HNRNPU: variants seen among roughly 807,000 people sequenced by gnomAD.
The protein encoded by HNRNPU is heterogeneous nuclear ribonucleoprotein U, also known as HNRNPU antisense RNA 1.
HNRNPU carries 5 observed loss-of-function variants against 94.7 expected under a neutral mutation model. The observed-to-expected ratio is 0.05, with a 90% CI of 0.03 to 0.11. The LOEUF is 0.11. Ranked by LOEUF, HNRNPU falls within the 10% of genes least tolerant of loss-of-function variation. The pLI, the probability that HNRNPU is intolerant of heterozygous loss-of-function variation, is 1.00. For synonymous variants in HNRNPU, 434 were observed against 381.6 expected (o/e 1.14, Z -1.60); for missense variants, 710 against 1,049.2 (o/e 0.68, Z 4.47).
Position 244,862,710 on chromosome 1 carries a change from T to C in HNRNPU, c.712A>G (p.Lys238Glu). ...ACACCCCTCTTTTTATCTCCGCCTT[T>C]CTGTTCTGTTTTGCCGTCCCCTAAA... ...PAAGDGKTEQ[K>E]GGDKKRGVKR... The change falls in exon 2 of 14, where the codon AAA becomes GAA. Residue 238 changes from lysine (K) to glutamate (E), a missense_variant. Lys to Glu is a moderately conservative substitution (Grantham distance 56). Coordinates refer to ENST00000640218, the MANE Select transcript of HNRNPU (RefSeq NM_031844.3). 6.2e-7 allele frequency: 1 copy of C among 1,614,102 alleles called. No individual in the cohort carries two copies.
At position 244,852,317 on chromosome 1, in the gene HNRNPU, C is replaced by T. The variant is rs1400089841; in HGVS notation, c.*2133G>A. On this transcript the variant is annotated 3_prime_UTR_variant, in exon 14 of 14. Coordinates refer to ENST00000640218, the MANE Select transcript of HNRNPU (RefSeq NM_031844.3). ...CATTTTTATCTATTCTCTCTCCCCC[C>T]AAATTCTCTGGGCTAAACAGGCATG... 1 of 152,180 alleles carries T rather than the reference C, an allele frequency of 6.6e-6. No homozygotes were observed. Among genetic ancestry groups the T allele is most frequent in the African/African-American group, 2.4e-5 (1 of 41,430 alleles). The allele number at this position is 152,180 out of a possible 1,614,324, so 9.4% of individuals were successfully genotyped here.
chr1:244,855,872 A>C, intron 11 of HNRNPU, 32 bp downstream of exon 11: 1 of 1,606,904 alleles, frequency 6.2e-7, no homozygotes, highest in Non-Finnish European at 8.5e-7. Context: ...TTCGATCCTG[A>C]ACTAAATACA....
rs779688417 is a variant in HNRNPU, at chr1:244,859,268, G to A, written c.1117+7C>T. 2.7e-6 allele frequency: 4 copies of A among 1,464,554 alleles called. No homozygotes were observed. Among genetic ancestry groups the A allele is most frequent in the Middle Eastern group, 3.5e-4 (2 of 5,732 alleles). 90.7% of individuals were successfully genotyped at this position (1,464,554 alleles called of 1,614,324 possible). Reference sequence around the variant, plus strand: ...ATGAGCCCACATCAGTCAAAAAGAAGCTTTACCAAGTAACATTCCACTTGT... The same window carrying A: ...ATGAGCCCACATCAGTCAAAAAGAAACTTTACCAAGTAACATTCCACTTGT... On this transcript the variant is annotated splice_region_variant and intron_variant, in intron 5 of 13. Coordinates refer to ENST00000640218, the MANE Select transcript of HNRNPU (RefSeq NM_031844.3).
In HNRNPU at chr1:244,857,572, G is replaced by C. The variant is rs774337619; in HGVS notation, c.1614+26C>G. The stretch of plus-strand genomic sequence containing the variant: ...TCTCCCAGTCTATTTTAAACACTGA[G>C]ATCAGGCCCTAAACATTTTACTTAC... On this transcript the variant is annotated intron_variant, in intron 8 of 13. Coordinates refer to ENST00000640218, the MANE Select transcript of HNRNPU (RefSeq NM_031844.3). 4 of 1,608,050 alleles carry C rather than the reference G, an allele frequency of 2.5e-6. 1 individual carries two copies. Among genetic ancestry groups the C allele is most frequent in the South Asian group, 1.1e-5 (1 of 90,526 alleles).
At chr1:244,856,687 A>G (rs1486780655) in intron 9 of HNRNPU, 41 bp downstream of exon 9, 1 of 1,605,962 alleles carries the variant, frequency 6.2e-7, no homozygotes, top group South Asian at 1.1e-5. Flanking sequence ...ATCTATCTAA[A>G]TTATCAGTTA....
Position 244,856,151 on chromosome 1 carries a change from A to C in HNRNPU, c.1920T>G (p.Phe640Leu). ...EHAVLKMKGNFTLPEVAECFD... is the reference protein window; with the variant it reads ...EHAVLKMKGNLTLPEVAECFD... Reference sequence around the variant, plus strand: ...AGCACTCAGCTACCTCTGGGAGGGTAAAGTTTCCTGCAGGAAACAAAGTCA... The same window carrying C: ...AGCACTCAGCTACCTCTGGGAGGGTCAAGTTTCCTGCAGGAAACAAAGTCA... Residue 640 changes from phenylalanine (F) to leucine (L), a missense_variant, in exon 11 of 14, where the codon TTT (phenylalanine) becomes TTG (leucine). This residue lies in a region of HNRNPU where 152 missense variants were observed against 238.9 expected (regional missense o/e 0.64). Coordinates refer to ENST00000640218, the MANE Select transcript of HNRNPU (RefSeq NM_031844.3). 1 of 1,605,520 alleles carries C rather than the reference A, an allele frequency of 6.2e-7. No homozygotes were observed. Among genetic ancestry groups the C allele is most frequent in the Non-Finnish European group, 8.5e-7 (1 of 1,177,432 alleles).
At chr1:244,863,297 G>A (rs1680897225) in intron 1 of HNRNPU, among the ~76,000 whole-genome samples, 1 of 148,876 alleles carries the variant, frequency 6.7e-6, no homozygotes, top group Admixed American at 6.7e-5. Flanking sequence ...GGGCCGACCG[G>A]GCTCCCTCCC....
rs1347499063 is a variant in HNRNPU, at chr1:244,863,971, C to T, written c.337G>A (p.Ala113Thr). 1 of 1,613,750 alleles carries T rather than the reference C, an allele frequency of 6.2e-7. No homozygotes were observed. The highest frequency in any genetic ancestry group is 1.1e-5 in the South Asian group (1 of 91,070). The part of the protein sequence containing the change: ...QMELGEENGA[A>T]GAADSGPMEE... ...ATCGGGCCCGAGTCGGCCGCCCCCG[C>T]GGCCCCGTTCTCCTCTCCTAGCTCC... Residue 113 changes from alanine to threonine, a missense_variant, in exon 1 of 14, where the codon GCG becomes ACG. Physicochemically the swap from Ala to Thr is moderately conservative, Grantham distance 58. Around this residue, in one of 8 missense-constraint regions of HNRNPU, gnomAD observed 292 missense variants for 293.4 expected, o/e 1.00. Transcript: ENST00000640218.
intron 4 of HNRNPU, 156 bp downstream of exon 4, chr1:244,860,179 A>C (rs1680788776): frequency 1.7e-6 from 1 of 589,050 alleles, no homozygotes. Context: ...GTGTGCCTCT[A>C]GTCCGAGCTA....
At chr1:244,858,938 C>T (rs911031187) in intron 5 of HNRNPU, 97 bp from the exon 6 acceptor site, 2 of 648,964 alleles carry the variant, frequency 3.1e-6, no homozygotes, top group African/African-American at 3.7e-5. Context: ...GAGAAATAAG[C>T]ATATAACCTA....
At chr1:244,856,931 A>T in intron 8 of HNRNPU, 75 bp from the exon 9 acceptor site, 1 of 1,205,356 alleles carries the variant, frequency 8.3e-7, no homozygotes, top group East Asian at 2.3e-5. Flanking sequence ...TTCAACTCAT[A>T]TCTATATGTA....
chr1:244,856,130 C>T lies in HNRNPU; in HGVS notation c.1941G>A (p.Glu647=). 6.2e-7 allele frequency: 1 copy of T among 1,613,104 alleles called. No homozygotes were observed. The highest frequency in any genetic ancestry group is 8.5e-7 in the Non-Finnish European group (1 of 1,179,660). ...KGNFTLPEVA[E]CFDEITYVEL... ...CAACATAGGTTATTTCATCAAAGCA[C>T]TCAGCTACCTCTGGGAGGGTAAAGT... Residue 647 remains glutamate, a synonymous_variant, in exon 11 of 14, where the codon GAG becomes GAA. Coordinates refer to ENST00000640218, the MANE Select transcript of HNRNPU (RefSeq NM_031844.3).
chr1:244,864,093 G>C lies in HNRNPU; in HGVS notation c.215C>G (p.Ala72Gly). The C allele has an allele frequency of 6.3e-7, 1 of 1,596,256 alleles. No individual in the cohort carries two copies. The highest frequency in any genetic ancestry group is 8.5e-7 in the Non-Finnish European group (1 of 1,171,720). The change falls in exon 1 of 14, where the codon GCA becomes GGA. Residue 72 changes from alanine (A) to glycine (G), a missense_variant. By Grantham distance (60) the Ala-to-Gly change is moderately conservative. Transcript: ENST00000640218. The stretch of plus-strand genomic sequence containing the variant: ...GGCCGCGGCCTCCTGCTCGAGGCCT[G>C]CTCCCGAGCGCCCAGCGGAATCCCC... ...LGGDSAGRSG[A>G]GLEQEAAAGG...
At chr1:244,855,640 T>C (rs1680659130) in intron 11 of HNRNPU, 32 bp from the exon 12 acceptor site, 1 of 1,605,374 alleles carries the variant, frequency 6.2e-7, no homozygotes, top group South Asian at 1.1e-5. Flanking sequence ...AGTTTCATTG[T>C]ATATTGTACC....
At chr1:244,857,854 G>T in intron 7 of HNRNPU, 137 bp from the exon 8 acceptor site, 1 of 1,334,720 alleles carries the variant, frequency 7.5e-7, no homozygotes, top group Non-Finnish European at 1.0e-6. Flanking sequence ...TTTATGGAAA[G>T]ATTAACAGTC....
At position 244,853,686 on chromosome 1, in the gene HNRNPU, G is replaced by A. The variant is rs967668327; in HGVS notation, c.*764C>T. 5.2e-5 allele frequency: 8 copies of A among 152,446 alleles called. No individual in the cohort carries two copies. Among genetic ancestry groups the A allele is most frequent in the African/African-American group, 1.9e-4 (8 of 41,396 alleles). The allele number at this position is 152,446 out of a possible 1,614,324, so 9.4% of individuals were successfully genotyped here. The stretch of plus-strand genomic sequence containing the variant: ...ACAACAAGTTTTTTTAATAAGAAAT[G>A]GGCAAAGCCAGCTTTCTTTTCAGAA... On this transcript the variant is annotated 3_prime_UTR_variant, in exon 14 of 14. Coordinates refer to ENST00000640218, the MANE Select transcript of HNRNPU (RefSeq NM_031844.3).
chr1:244,864,066 C>G lies in HNRNPU; in HGVS notation c.242G>C (p.Gly81Ala). The G allele has an allele frequency of 1.2e-6, 2 of 1,602,776 alleles. No individual in the cohort carries two copies. Among genetic ancestry groups the G allele is most frequent in the Non-Finnish European group, 1.7e-6 (2 of 1,175,088 alleles). ...GAGLEQEAAA[G>A]GDEEEEEEEE... ...CTCTTCCTCCTCCTCTTCATCGCCGCCGGCCGCGGCCTCCTGCTCGAGGCC... is the reference window on the plus strand; with the variant it reads ...CTCTTCCTCCTCCTCTTCATCGCCGGCGGCCGCGGCCTCCTGCTCGAGGCC... The change falls in exon 1 of 14, where the codon GGC becomes GCC. Residue 81 changes from glycine (G) to alanine (A), a missense_variant. Gly to Ala is a moderately conservative substitution (Grantham distance 60). This residue lies in a region of HNRNPU where 292 missense variants were observed against 293.4 expected (regional missense o/e 1.00). Coordinates refer to ENST00000640218, the MANE Select transcript of HNRNPU (RefSeq NM_031844.3).
At chr1:244,862,407 A>AT in intron 3 of HNRNPU, 54 bp downstream of exon 3, 3 of 1,262,472 alleles carry the variant, frequency 2.4e-6, no homozygotes, top group South Asian at 2.9e-5. Flanking sequence ...AAAAAAAAAA[A>AT]AAAAAAACCA....
In HNRNPU at chr1:244,864,290, A is replaced by G; in HGVS notation, c.18T>C (p.Val6=). ...CCGACACCTTCAGCTTTTTTACATT[A>G]ACAGGCGAGGAACTCATGGTGAGGG... MSSSP[V]NVKKLKVSEL... is the part of the protein sequence containing the mutation. Residue 6 remains valine, a synonymous_variant, in exon 1 of 14, where the codon GTT becomes GTC. Coordinates refer to ENST00000640218, the MANE Select transcript of HNRNPU (RefSeq NM_031844.3). 1 of 1,612,972 alleles carries G rather than the reference A, an allele frequency of 6.2e-7. No individual in the cohort carries two copies. The highest frequency in any genetic ancestry group is 1.1e-5 in the South Asian group (1 of 91,082).
Sources: allele counts gnomAD v4.1 joint callset (sites outside exome capture counted in the v4.1 genomes callset), GRCh38; gene constraint gnomAD v4.1.1; regional missense constraint gnomAD v4.1.1; transcripts MANE v1.5; gene names NCBI Gene and HGNC (gene_info 2026-07-23, HGNC 2026-07-21).